Variants in CMSS1 observed in about 807,000 individuals in gnomAD.
CMSS1 encodes protein CMSS1.
Under a neutral mutation model 43.5 loss-of-function variants are expected in CMSS1, and 33 were observed. The ratio of observed to expected loss-of-function variants is 0.76; its 90% CI spans 0.57 to 1.01. CMSS1 has a LOEUF of 1.01. Ranked by LOEUF, CMSS1 falls within the 50% of genes least tolerant of loss-of-function variation. The pLI is 0.00. For synonymous variants in CMSS1, 115 were observed against 117.2 expected (o/e 0.98, Z 0.12); for missense variants, 313 against 326.4 (o/e 0.96, Z 0.32).
At chr3:100,161,539 G>T (rs2067023161) in intron 3 of CMSS1, among the ~76,000 whole-genome samples, 1 of 152,088 alleles carries the variant, frequency 6.6e-6, no homozygotes, top group Non-Finnish European at 1.5e-5. Flanking sequence ...GTCTAGAAAT[G>T]AGGATATTGT....
chr3:99,851,532 C>T (rs1943696268), intron 1 of CMSS1, among the ~76,000 whole-genome samples: 1 of 152,162 alleles, frequency 6.6e-6, no homozygotes, highest in South Asian at 2.1e-4. Flanking sequence ...ATTTTATTTA[C>T]TTCAGGGGCT....
At chr3:100,027,669 ATGT>A (rs1298894073) in intron 1 of CMSS1, among the ~76,000 whole-genome samples, 1 of 152,150 alleles carries the variant, frequency 6.6e-6, no homozygotes, top group Non-Finnish European at 1.5e-5. Context: ...AATATGGAAA[ATGT>A]TGTGTGAATT....
intron 1 of CMSS1, among the ~76,000 whole-genome samples, chr3:100,142,560 G>GGACTACT (rs989481721): frequency 6.6e-6 from 1 of 151,954 alleles, no homozygotes; most frequent in African/African-American, 2.4e-5. Flanking sequence ...AGATACCAAG[G>GGACTACT]GACTACTGTA....
chr3:99,918,039 G>C (rs889528455), intron 1 of CMSS1, among the ~76,000 whole-genome samples: 3 of 152,008 alleles, frequency 2.0e-5, no homozygotes, highest in Non-Finnish European at 4.4e-5. Flanking sequence ...GTGCAGTGGC[G>C]TGATCTCGGC....
intron 1 of CMSS1, among the ~76,000 whole-genome samples, chr3:99,886,490 G>A (rs1043645458): frequency 2.0e-5 from 3 of 152,086 alleles, no homozygotes; most frequent in African/African-American, 7.2e-5. Context: ...ATTCAAAGCT[G>A]TCCTGGGTCA....
chr3:99,930,883 T>TA, intron 1 of CMSS1: 1 of 1,613,370 alleles, frequency 6.2e-7, no homozygotes, highest in Non-Finnish European at 8.5e-7. Flanking sequence ...ACGGAAGTAT[T>TA]ACATCCGACT....
chr3:99,937,017 A>T (rs1005164644), intron 1 of CMSS1, among the ~76,000 whole-genome samples: 1 of 151,970 alleles, frequency 6.6e-6, no homozygotes, highest in Non-Finnish European at 1.5e-5. Flanking sequence ...GGGTCACTGC[A>T]ACCTCTGCCT....
chr3:99,932,013 T>C (rs1707496849), intron 1 of CMSS1, among the ~76,000 whole-genome samples: 1 of 152,162 alleles, frequency 6.6e-6, no homozygotes, highest in Non-Finnish European at 1.5e-5. Flanking sequence ...TCTTTAAAAA[T>C]CTGAAAAACT....
At position 99,899,956 on chromosome 3, in the gene CMSS1, G is replaced by A. The variant is rs150724729; in HGVS notation, c.64+81913G>A. Among the ~76,000 whole-genome samples, 11 of 152,214 alleles carry A rather than the reference G, an allele frequency of 7.2e-5. No individual in the cohort carries two copies. In the East Asian group the frequency reaches 1.9e-3, roughly 27 times the overall value. On this transcript the variant is annotated intron_variant, in intron 1 of 9. Coordinates refer to ENST00000421999, the MANE Select transcript of CMSS1 (RefSeq NM_032359.4). ...AGTACATTCCTAAGGTGCTAAATAC[G>A]GTGTTCTGGTTCTACTGGATCTTTG...
intron 1 of CMSS1, among the ~76,000 whole-genome samples, chr3:99,960,615 C>T (rs1281899133): frequency 6.6e-6 from 1 of 152,116 alleles, no homozygotes; most frequent in African/African-American, 2.4e-5. Flanking sequence ...GTCTTTTTAC[C>T]TGCTTCCTAA....
rs571473708 is a variant in CMSS1 at position 99,947,249 on chromosome 3, C to T, written c.64+129206C>T. ...ATTCAACCACGCAGAGATTTATACCCTTGACCTTTTGTATAGTTTCCCATA... is the reference window on the plus strand; with the variant it reads ...ATTCAACCACGCAGAGATTTATACCTTTGACCTTTTGTATAGTTTCCCATA... On this transcript the variant is annotated intron_variant, in intron 1 of 9. Coordinates refer to ENST00000421999, the MANE Select transcript of CMSS1 (RefSeq NM_032359.4). Among the ~76,000 whole-genome samples the T allele has an allele frequency of 1.4e-4, 22 of 152,090 alleles. No individual in the cohort carries two copies. The South Asian group carries it at 4.6e-3, about 32-fold the overall frequency.
intron 1 of CMSS1, among the ~76,000 whole-genome samples, chr3:99,937,808 A>G (rs1029968391): frequency 2.6e-5 from 4 of 152,238 alleles, no homozygotes; most frequent in Non-Finnish European, 5.9e-5. Context: ...GGTACTGAGA[A>G]TCTACTGAAG....
intron 1 of CMSS1, among the ~76,000 whole-genome samples, chr3:100,045,051 T>A (rs1269667508): frequency 6.6e-6 from 1 of 152,254 alleles, no homozygotes; most frequent in African/African-American, 2.4e-5. Context: ...TCTGAGATGC[T>A]TGTGATATAT....
chr3:99,882,634 T>G (rs1211026453), intron 1 of CMSS1, among the ~76,000 whole-genome samples: 2 of 152,210 alleles, frequency 1.3e-5, no homozygotes, highest in Non-Finnish European at 2.9e-5. Flanking sequence ...TTAAGGGACT[T>G]GCCCCAAGGT....
intron 1 of CMSS1, among the ~76,000 whole-genome samples, chr3:100,063,237 A>G (rs1006063868): frequency 3.9e-5 from 6 of 152,180 alleles, no homozygotes; most frequent in Admixed American, 1.3e-4. Flanking sequence ...GTTCCCAAAT[A>G]AGCCCTGGTA....
At chr3:99,872,492 T>G (rs1944850581) in intron 1 of CMSS1, among the ~76,000 whole-genome samples, 1 of 151,866 alleles carries the variant, frequency 6.6e-6, no homozygotes, top group Non-Finnish European at 1.5e-5. Context: ...ACACAAGGAG[T>G]TGAGGTATGT....
At chr3:99,920,439 T>C (rs984698501) in intron 1 of CMSS1, among the ~76,000 whole-genome samples, 1 of 152,250 alleles carries the variant, frequency 6.6e-6, no homozygotes, top group Non-Finnish European at 1.5e-5. Flanking sequence ...GCATTGCTTT[T>C]GTGTAAAAAA....
chr3:99,935,324 C>A (rs776041234), intron 1 of CMSS1, among the ~76,000 whole-genome samples: 1 of 150,626 alleles, frequency 6.6e-6, no homozygotes, highest in Non-Finnish European at 1.5e-5. Flanking sequence ...CTTTACTCTT[C>A]ATGAAGTGCT....
intron 1 of CMSS1, among the ~76,000 whole-genome samples, chr3:100,021,053 C>T (rs1272951024): frequency 6.6e-6 from 1 of 152,194 alleles, no homozygotes; most frequent in African/African-American, 2.4e-5. Context: ...GCGTGAGCCA[C>T]CACGCCTAGC....
Sources: gnomAD v4.1 joint callset for allele counts (sites outside exome capture counted in the v4.1 genomes callset) on GRCh38, gnomAD v4.1.1 for gene constraint, MANE v1.5 for transcripts, NCBI Gene and HGNC (gene_info 2026-07-23, HGNC 2026-07-21) for gene names.